The following KDM3B variants were observed in gnomAD, a reference collection of about 807,000 sequenced individuals.
KDM3B encodes the protein lysine-specific demethylase 3B.
KDM3B carries 10 observed loss-of-function variants against 170.0 expected under a neutral mutation model. The observed-to-expected ratio is 0.06, with a 90% CI of 0.04 to 0.10. The LOEUF is 0.10. Among genes scored for constraint, KDM3B ranks in the 10% least tolerant of loss-of-function variants. The probability of loss-of-function intolerance (pLI) is 1.00; values close to 1 mark genes in which losing one functional copy is unlikely to be tolerated. For missense variants in KDM3B, 1,394 were observed against 2,195.2 expected (o/e 0.64, Z 7.29); for synonymous variants, 831 against 834.8 (o/e 1.00, Z 0.08).
intron 1 of KDM3B, among the ~76,000 whole-genome samples, chr5:138,354,225 G>C (rs560579601): frequency 6.6e-6 from 1 of 151,986 alleles, no homozygotes; most frequent in African/African-American, 2.4e-5. Context: ...CATTTGCTTT[G>C]ATTTTTCTTC....
intron 14 of KDM3B, among the ~76,000 whole-genome samples, chr5:138,420,114 C>A (rs1185523693): frequency 1.3e-5 from 2 of 152,168 alleles, no homozygotes; most frequent in Non-Finnish European, 2.9e-5. Flanking sequence ...TCTCAAACTC[C>A]CGACCTCAAG....
intron 1 of KDM3B, among the ~76,000 whole-genome samples, chr5:138,362,312 GA>G (rs1338378249): frequency 6.6e-6 from 1 of 151,732 alleles, no homozygotes; most frequent in African/African-American, 2.4e-5. Flanking sequence ...ACAAAAGAAG[GA>G]ACTCTATTGT....
chr5:138,409,007 A>C (rs1762895479), intron 11 of KDM3B, among the ~76,000 whole-genome samples: 1 of 152,206 alleles, frequency 6.6e-6, no homozygotes, highest in African/African-American at 2.4e-5. Flanking sequence ...CACAAAACAA[A>C]GTCTGAAAAG....
At chr5:138,396,703 A>G (rs958080499) in intron 9 of KDM3B, among the ~76,000 whole-genome samples, 1 of 151,994 alleles carries the variant, frequency 6.6e-6, no homozygotes, top group African/African-American at 2.4e-5. Flanking sequence ...GAGCTTGTGG[A>G]GGTTGTTTTC....
chr5:138,355,885 CTT>C (rs1761436139), intron 1 of KDM3B, among the ~76,000 whole-genome samples: 1 of 152,212 alleles, frequency 6.6e-6, no homozygotes, highest in African/African-American at 2.4e-5. Flanking sequence ...CCAGCAATCT[CTT>C]TGCTCATCTT....
intron 14 of KDM3B, among the ~76,000 whole-genome samples, chr5:138,419,734 C>CACAT (rs1554131152): frequency 0.046 from 2,747 of 59,906 alleles, 32 homozygotes; most frequent in South Asian, 0.13. Flanking sequence ...CACATACACA[C>CACAT]ACACACACAC....
chr5:138,360,823 C>T (rs1761589026), intron 1 of KDM3B, among the ~76,000 whole-genome samples: 2 of 152,110 alleles, frequency 1.3e-5, no homozygotes, highest in South Asian at 2.1e-4. Context: ...AACTCCTGAC[C>T]GCAAGTGATC....
chr5:138,425,865 G>T, intron 17 of KDM3B: 1 of 249,982 alleles, frequency 4.0e-6, no homozygotes, highest in Non-Finnish European at 8.0e-6. Context: ...AATTAGCTGG[G>T]TATGGTGGTG....
rs201802253 is a variant in KDM3B at position 138,419,147 on chromosome 5, T to A, written c.3630T>A (p.Pro1210=). 3.7e-6 allele frequency: 6 copies of A among 1,614,096 alleles called. No homozygotes were observed. The highest frequency in any genetic ancestry group is 5.1e-6 in the Non-Finnish European group (6 of 1,180,038). The change falls in exon 14 of 24, where the codon CCT becomes CCA. Residue 1210 remains proline, a synonymous_variant. Transcript: ENST00000314358. The part of the protein sequence containing the change: ...NSNSELKAIR[P]PCPDTAPPSS... The stretch of plus-strand genomic sequence containing the variant: ...ATAGTGAACTGAAAGCCATCAGGCC[T>A]CCTTGCCCTGACACGGCCCCACCCT...
intron 7 of KDM3B, 85 bp downstream of exon 7, chr5:138,386,706 G>GC (rs1219598208): frequency 5.3e-6 from 8 of 1,507,084 alleles, no homozygotes; most frequent in Non-Finnish European, 7.2e-6. Flanking sequence ...ACATTCAAGT[G>GC]CCCCAGGGAA....
intron 14 of KDM3B, 149 bp from the exon 15 acceptor site, chr5:138,420,557 C>T (rs1036110780): frequency 2.5e-6 from 2 of 800,524 alleles, no homozygotes; most frequent in African/African-American, 3.4e-5. Flanking sequence ...GCTTGTAAGG[C>T]TTGACCCAAA....
chr5:138,398,120 A>C (rs997269806), intron 9 of KDM3B, 58 bp from the exon 10 acceptor site: 1 of 1,295,398 alleles, frequency 7.7e-7, no homozygotes, highest in Non-Finnish European at 1.1e-6. Flanking sequence ...CCAGGAGTTT[A>C]GGTGTGTGTT....
chr5:138,410,386 A>T (rs1268060661), intron 11 of KDM3B, among the ~76,000 whole-genome samples: 3 of 152,210 alleles, frequency 2.0e-5, no homozygotes, highest in Non-Finnish European at 4.4e-5. Flanking sequence ...AAGTAAACCC[A>T]CACATACATA....
At chr5:138,370,776 C>T (rs1219489910) in intron 1 of KDM3B, among the ~76,000 whole-genome samples, 1 of 151,774 alleles carries the variant, frequency 6.6e-6, no homozygotes, top group African/African-American at 2.4e-5. Flanking sequence ...TCCTGCATTA[C>T]TTAGTGTTGC....
intron 19 of KDM3B, 112 bp downstream of exon 19, chr5:138,427,431 G>A: frequency 1.6e-6 from 2 of 1,240,180 alleles, no homozygotes; most frequent in East Asian, 2.4e-5. Flanking sequence ...GGCAAGTGCT[G>A]GAGAAGTGAA....
At chr5:138,382,057 G>A (rs1384442966) in intron 6 of KDM3B, among the ~76,000 whole-genome samples, 1 of 151,756 alleles carries the variant, frequency 6.6e-6, no homozygotes, top group Admixed American at 6.6e-5. Flanking sequence ...ACCTAGTTCA[G>A]TGCTCAGCCC....
intron 11 of KDM3B, among the ~76,000 whole-genome samples, chr5:138,401,270 CA>C (rs555563348): frequency 6.0e-4 from 80 of 132,538 alleles, no homozygotes; most frequent in East Asian, 2.2e-3. Context: ...GACTTCATCT[CA>C]AAAAAAAAAA....
At chr5:138,411,437 G>A (rs1420950318) in intron 11 of KDM3B, among the ~76,000 whole-genome samples, 2 of 152,130 alleles carry the variant, frequency 1.3e-5, no homozygotes, top group Non-Finnish European at 2.9e-5. Flanking sequence ...AACTATTCTT[G>A]TTTTATATTT....
chr5:138,416,992 T>C (rs575052567), intron 12 of KDM3B, among the ~76,000 whole-genome samples: 2 of 152,282 alleles, frequency 1.3e-5, no homozygotes, highest in East Asian at 3.9e-4. Flanking sequence ...AGCTAATTTT[T>C]GTATTTTTAG....
Sources: allele counts gnomAD v4.1 joint callset (sites outside exome capture counted in the v4.1 genomes callset), GRCh38; gene constraint gnomAD v4.1.1; transcripts MANE v1.5; gene names NCBI Gene and HGNC (gene_info 2026-07-23, HGNC 2026-07-21).